Variants in CSMD3 observed in about 807,000 individuals in gnomAD.
CSMD3 encodes CUB and Sushi multiple domains 3.
Under a neutral mutation model 435.2 loss-of-function variants are expected in CSMD3, and 177 were observed. The observed-to-expected ratio is 0.41, with a 90% CI of 0.36 to 0.46. The LOEUF is 0.46. Ranked by LOEUF, CSMD3 falls within the 20% of genes least tolerant of loss-of-function variation. The pLI, the probability that CSMD3 is intolerant of heterozygous loss-of-function variation, is 0.34. For missense variants in CSMD3, 4,265 were observed against 4,504.6 expected (o/e 0.95, Z 1.52); for synonymous variants, 1,656 against 1,520.5 (o/e 1.09, Z -2.07).
chr8:112,861,602 A>G (rs2080828580), intron 10 of CSMD3, among the ~76,000 whole-genome samples: 1 of 151,900 alleles, frequency 6.6e-6, no homozygotes, highest in Non-Finnish European at 1.5e-5. Context: ...TCTTTCCATA[A>G]GAAGGGTTTC....
chr8:113,090,951 A>G (rs1033774560), intron 5 of CSMD3, among the ~76,000 whole-genome samples: 5 of 152,064 alleles, frequency 3.3e-5, no homozygotes, highest in Admixed American at 2.6e-4. Context: ...CCTCTTTCTT[A>G]AGAAAGAAAT....
At chr8:113,408,861 C>T (rs768821924) in intron 1 of CSMD3, among the ~76,000 whole-genome samples, 15 of 151,914 alleles carry the variant, frequency 9.9e-5, no homozygotes, top group African/African-American at 2.4e-4. Context: ...GATGGCATCT[C>T]GCCATGTTGA....
chr8:112,522,991 G>A (rs983188736), intron 27 of CSMD3, among the ~76,000 whole-genome samples: 1 of 151,874 alleles, frequency 6.6e-6, no homozygotes, highest in Non-Finnish European at 1.5e-5. Flanking sequence ...GTGGTGACAA[G>A]AGCAAAAGAA....
intron 31 of CSMD3, among the ~76,000 whole-genome samples, chr8:112,476,957 CTT>C (rs563878281): frequency 3.7e-4 from 57 of 152,118 alleles, no homozygotes; most frequent in Non-Finnish European, 7.1e-4. Context: ...AAACATAAGA[CTT>C]ATCATATTTC....
chr8:112,521,449 T>C (rs910516258), intron 27 of CSMD3, among the ~76,000 whole-genome samples: 1 of 151,954 alleles, frequency 6.6e-6, no homozygotes, highest in African/African-American at 2.4e-5. Flanking sequence ...TGTTGTTTTG[T>C]TTTTTGGCCT....
chr8:113,379,847 A>G (rs1266077626), intron 1 of CSMD3, among the ~76,000 whole-genome samples: 1 of 152,188 alleles, frequency 6.6e-6, no homozygotes, highest in Non-Finnish European at 1.5e-5. Flanking sequence ...ATTAAATAGA[A>G]ACTATACATT....
intron 32 of CSMD3, among the ~76,000 whole-genome samples, chr8:112,442,004 C>A (rs1379242441): frequency 6.6e-6 from 1 of 152,072 alleles, no homozygotes; most frequent in Admixed American, 6.6e-5. Flanking sequence ...TAAAGGAATA[C>A]CTGAGACTGG....
At chr8:113,404,577 T>G (rs2094524294) in intron 1 of CSMD3, among the ~76,000 whole-genome samples, 1 of 151,364 alleles carries the variant, frequency 6.6e-6, no homozygotes, top group Admixed American at 6.6e-5. Flanking sequence ...ATAATATAAT[T>G]TTAAAGTGAA....
intron 4 of CSMD3, among the ~76,000 whole-genome samples, chr8:113,122,834 T>C (rs2091022791): frequency 6.6e-6 from 1 of 152,104 alleles, no homozygotes; most frequent in South Asian, 2.1e-4. Flanking sequence ...TTTGTGGTAA[T>C]TTGTTACAGC....
At chr8:112,257,932 T>C (rs1441979244) in intron 61 of CSMD3, among the ~76,000 whole-genome samples, 1 of 151,950 alleles carries the variant, frequency 6.6e-6, no homozygotes, top group Non-Finnish European at 1.5e-5. Context: ...CCAAAACAGA[T>C]ATATAGACCA....
intron 13 of CSMD3, among the ~76,000 whole-genome samples, chr8:112,796,604 T>C (rs2078834305): frequency 6.6e-6 from 1 of 152,062 alleles, no homozygotes; most frequent in Non-Finnish European, 1.5e-5. Context: ...GATGTTAATG[T>C]GTCCATTGAA....
At chr8:113,119,951 C>A (rs1487717312) in intron 4 of CSMD3, among the ~76,000 whole-genome samples, 1 of 85,818 alleles carries the variant, frequency 1.2e-5, no homozygotes, top group Non-Finnish European at 2.0e-5. Flanking sequence ...TAAAGAGAGT[C>A]TGTTCAAATT....
At chr8:113,077,356 A>T (rs1410136339) in intron 5 of CSMD3, among the ~76,000 whole-genome samples, 3 of 152,116 alleles carry the variant, frequency 2.0e-5, no homozygotes, top group South Asian at 2.1e-4. Flanking sequence ...AAAAAAAAAT[A>T]AAATTAAAGT....
At chr8:112,481,211 AAGGAGG>A (rs552319148) in intron 31 of CSMD3, among the ~76,000 whole-genome samples, 2 of 152,106 alleles carry the variant, frequency 1.3e-5, no homozygotes. Flanking sequence ...AGAAAAGAAG[AAGGAGG>A]AGGAGGAGGA....
At chr8:113,224,362 T>G (rs1162436339) in intron 3 of CSMD3, among the ~76,000 whole-genome samples, 1 of 151,218 alleles carries the variant, frequency 6.6e-6, no homozygotes, top group East Asian at 1.9e-4. Flanking sequence ...AGGCTTTACA[T>G]TCTCTGAAAA....
At chr8:112,736,305 C>T (rs1045508255) in intron 13 of CSMD3, among the ~76,000 whole-genome samples, 1 of 151,934 alleles carries the variant, frequency 6.6e-6, no homozygotes, top group African/African-American at 2.4e-5. Flanking sequence ...TTCAAAAATA[C>T]CTTTGTTGGT....
chr8:113,269,568 G>C (rs1021432618), intron 3 of CSMD3, among the ~76,000 whole-genome samples: 3 of 152,014 alleles, frequency 2.0e-5, no homozygotes, highest in Non-Finnish European at 4.4e-5. Context: ...TATACTACAA[G>C]GCTACAGTAA....
chr8:112,828,841 A>C (rs1465361907), intron 12 of CSMD3, among the ~76,000 whole-genome samples: 1 of 152,096 alleles, frequency 6.6e-6, no homozygotes, highest in Non-Finnish European at 1.5e-5. Flanking sequence ...AGAGTGCATG[A>C]AGACAGGTGA....
chr8:112,405,214 CATATATATATATATATAT>C (rs71309768), intron 35 of CSMD3, among the ~76,000 whole-genome samples: 4 of 19,068 alleles, frequency 2.1e-4, no homozygotes, highest in African/African-American at 5.6e-4. Context: ...AAAAAACCCC[CATATATATATATATATAT>C]ATATATATAT....
Sources: gnomAD v4.1 joint callset for allele counts (sites outside exome capture counted in the v4.1 genomes callset) on GRCh38, gnomAD v4.1.1 for gene constraint, MANE v1.5 for transcripts, NCBI Gene and HGNC (gene_info 2026-07-23, HGNC 2026-07-21) for gene names.